The following SLC30A8 variants were observed in gnomAD, a reference collection of about 807,000 sequenced individuals.
SLC30A8 encodes the protein solute carrier family 30 member 8.
In SLC30A8, 27 loss-of-function variants were observed where a neutral mutation model predicts 36.9. That is an observed-to-expected ratio of 0.73 (90% confidence interval 0.54 to 1.01). The LOEUF is 1.01. Among genes scored for constraint, SLC30A8 ranks in the 50% least tolerant of loss-of-function variants. The pLI, the probability that SLC30A8 is intolerant of heterozygous loss-of-function variation, is 0.00. For synonymous variants in SLC30A8, 164 were observed against 172.4 expected (o/e 0.95, Z 0.38); for missense variants, 439 against 452.0 (o/e 0.97, Z 0.26).
chr8:117,057,416 CATTA>C (rs907074571), intron 2 of SLC30A8, among the ~76,000 whole-genome samples: 1 of 152,046 alleles, frequency 6.6e-6, no homozygotes, highest in Non-Finnish European at 1.5e-5. Context: ...TGAAATAACA[CATTA>C]ATTACCTATA....
At chr8:116,962,791 A>G (rs546074039) in intron 1 of SLC30A8, among the ~76,000 whole-genome samples, 6 of 152,102 alleles carry the variant, frequency 3.9e-5, no homozygotes, top group Non-Finnish European at 5.9e-5. Context: ...AAACTGATAT[A>G]CCCTTTATTA....
chr8:117,086,672 A>G (rs886139016), intron 2 of SLC30A8, among the ~76,000 whole-genome samples: 7 of 152,154 alleles, frequency 4.6e-5, no homozygotes, highest in East Asian at 3.9e-4. Flanking sequence ...CTTCTCATCT[A>G]TAAAGACAGA....
intron 1 of SLC30A8, among the ~76,000 whole-genome samples, chr8:116,962,464 C>G (rs1814454818): frequency 6.6e-6 from 1 of 152,048 alleles, no homozygotes; most frequent in African/African-American, 2.4e-5. Flanking sequence ...ATTATCCCAT[C>G]ATAGCTTTTA....
At chr8:117,044,249 T>TGGTAA (rs1274130910) in intron 2 of SLC30A8, among the ~76,000 whole-genome samples, 2 of 152,292 alleles carry the variant, frequency 1.3e-5, no homozygotes. Context: ...GGGGCTGCTG[T>TGGTAA]GCAACAGAAA....
chr8:117,116,120 G>A (rs1205457697), intron 2 of SLC30A8, among the ~76,000 whole-genome samples: 1 of 152,034 alleles, frequency 6.6e-6, no homozygotes, highest in Non-Finnish European at 1.5e-5. Flanking sequence ...AATAGGACCA[G>A]TGTGGTTGGA....
At chr8:117,123,181 C>T (rs1053147188) in intron 2 of SLC30A8, among the ~76,000 whole-genome samples, 1 of 151,954 alleles carries the variant, frequency 6.6e-6, no homozygotes, top group Non-Finnish European at 1.5e-5. Context: ...GGAAACTAAC[C>T]ATCCTCTTCT....
intron 1 of SLC30A8, among the ~76,000 whole-genome samples, chr8:117,013,258 T>C (rs1437925580): frequency 6.6e-6 from 1 of 152,206 alleles, no homozygotes; most frequent in East Asian, 1.9e-4. Flanking sequence ...CATTTTAGCA[T>C]TCATCTTTTT....
intron 2 of SLC30A8, among the ~76,000 whole-genome samples, chr8:117,059,581 AT>A (rs1409066479): frequency 6.6e-6 from 1 of 152,216 alleles, no homozygotes; most frequent in Non-Finnish European, 1.5e-5. Flanking sequence ...CATGAATAAT[AT>A]GCAGACCTGC....
chr8:117,161,861 A>G lies in SLC30A8; in HGVS notation c.696A>G (p.Leu232=). Residue 232 remains leucine, a synonymous_variant, in exon 5 of 8, where the codon CTA becomes CTG. Transcript: ENST00000456015. Reference sequence around the variant, plus strand: ...ATCTATTTCAGAGTATCAGTGTGCTAATTAGTGCACTTATTATCTACTTTA... The same window carrying G: ...ATCTATTTCAGAGTATCAGTGTGCTGATTAGTGCACTTATTATCTACTTTA... ...LGDLFQSISV[L]ISALIIYFKP... is the part of the protein sequence containing the mutation. 6.2e-7 allele frequency: 1 copy of G among 1,613,648 alleles called. No individual in the cohort carries two copies. The highest frequency in any genetic ancestry group is 8.5e-7 in the Non-Finnish European group (1 of 1,179,748).
intron 1 of SLC30A8, among the ~76,000 whole-genome samples, chr8:117,141,351 C>A (rs555820754): frequency 6.6e-6 from 1 of 152,052 alleles, no homozygotes. Flanking sequence ...CCCAGTAATG[C>A]AAGCTTAATT....
intron 1 of SLC30A8, among the ~76,000 whole-genome samples, chr8:117,136,125 A>T (rs1163986165): frequency 6.6e-6 from 1 of 152,046 alleles, no homozygotes; most frequent in Non-Finnish European, 1.5e-5. Flanking sequence ...GTGTTCAATA[A>T]GAATAACTGG....
At chr8:116,998,223 C>T (rs1230365068) in intron 1 of SLC30A8, among the ~76,000 whole-genome samples, 3 of 152,082 alleles carry the variant, frequency 2.0e-5, no homozygotes, top group Admixed American at 1.3e-4. Flanking sequence ...TCAAGGCAAA[C>T]ATCTTCAAAA....
Position 117,162,414 on chromosome 8 carries a change from A to C in SLC30A8, c.723+526A>C, listed in dbSNP as rs542655874. On this transcript the variant is annotated intron_variant, in intron 5 of 7. Coordinates refer to ENST00000456015, the MANE Select transcript of SLC30A8 (RefSeq NM_173851.3). Reference sequence around the variant, plus strand: ...ATTTATTGTTCCACCAGTATTGCCCACAATGGGGGAGAGGTAACTTCTCCC... The same window carrying C: ...ATTTATTGTTCCACCAGTATTGCCCCCAATGGGGGAGAGGTAACTTCTCCC... Among the ~76,000 whole-genome samples the C allele has an allele frequency of 1.5e-3, 228 of 152,200 alleles. 1 individual carries two copies. The highest frequency in any genetic ancestry group is 0.014 in the Middle Eastern group (4 of 294).
intron 2 of SLC30A8, among the ~76,000 whole-genome samples, chr8:117,061,328 G>A (rs1462315174): frequency 6.6e-6 from 1 of 152,198 alleles, no homozygotes; most frequent in East Asian, 1.9e-4. Context: ...ATACGTGCAT[G>A]CATACACCAC....
intron 2 of SLC30A8, among the ~76,000 whole-genome samples, chr8:117,044,220 A>G (rs1167455026): frequency 6.6e-6 from 1 of 152,234 alleles, no homozygotes; most frequent in Non-Finnish European, 1.5e-5. Flanking sequence ...ACAAAGGCCA[A>G]GAATTCACCA....
chr8:116,970,972 G>T, intron 1 of SLC30A8, among the ~76,000 whole-genome samples: 1 of 152,076 alleles, frequency 6.6e-6, no homozygotes, highest in Admixed American at 6.5e-5. Flanking sequence ...GTGCATGCCT[G>T]TAATCCCAGC....
intron 2 of SLC30A8, among the ~76,000 whole-genome samples, chr8:117,048,030 A>G (rs1817605679): frequency 6.6e-6 from 1 of 152,240 alleles, no homozygotes; most frequent in Admixed American, 6.5e-5. Flanking sequence ...AGAAATAACC[A>G]TAAAAATGGG....
rs553930077 is a variant in SLC30A8, at chr8:116,973,723, A to G, written c.-266+22604A>G. ...CATATGGAACCAAAAAAGAGCCCAC[A>G]TTGCCAAGACAATCCTAAGCCAAAA... is the stretch of plus-strand genomic sequence containing the variant. On this transcript the variant is annotated intron_variant, in intron 1 of 10. Coordinates refer to the SLC30A8 transcript ENST00000427715. 3.2e-4 allele frequency among the ~76,000 whole-genome samples: 49 copies of G among 152,292 alleles called. 1 individual carries two copies. The South Asian group carries it at 9.5e-3, about 30-fold the overall frequency.
At chr8:117,093,299 A>C (rs1586498152) in intron 2 of SLC30A8, among the ~76,000 whole-genome samples, 1 of 152,068 alleles carries the variant, frequency 6.6e-6, no homozygotes, top group Non-Finnish European at 1.5e-5. Flanking sequence ...AGAAAGTCCA[A>C]GGAGTTGAGA....
Sources: allele counts gnomAD v4.1 joint callset (sites outside exome capture counted in the v4.1 genomes callset), GRCh38; gene constraint gnomAD v4.1.1; transcripts MANE v1.5; gene names NCBI Gene and HGNC (gene_info 2026-07-23, HGNC 2026-07-21).